VANGL2: variants seen among roughly 807,000 people sequenced by gnomAD.
VANGL2 encodes the protein vang-like protein 2.
VANGL2 carries 14 observed loss-of-function variants against 50.2 expected under a neutral mutation model. That is an observed-to-expected ratio of 0.28 (90% CI 0.18 to 0.44). The LOEUF (loss-of-function observed/expected upper bound fraction) is 0.44, where lower values mean the gene tolerates loss of function less well. VANGL2 is among the 20% of genes least tolerant of loss of function. The probability of loss-of-function intolerance (pLI) is 1.00; values close to 1 mark genes in which losing one functional copy is unlikely to be tolerated. For missense variants in VANGL2, 533 were observed against 701.5 expected, an observed-to-expected ratio of 0.76 and a Z score of 2.71; for synonymous variants, 295 against 297.2, an observed-to-expected ratio of 0.99 and a Z score of 0.08.
At position 160,424,292 on chromosome 1, in the gene VANGL2, G is replaced by A; in HGVS notation, c.1305+9G>A. The A allele has an allele frequency of 6.2e-7, 1 of 1,613,150 alleles. No homozygotes were observed. The highest frequency in any genetic ancestry group is 8.5e-7 in the Non-Finnish European group (1 of 1,179,332). On this transcript the variant is annotated intron_variant, in intron 7 of 7. Transcript: ENST00000368061. ...ATGACATGACGCCCAAGGTAGGCCT[G>A]CCCTGCTGCCAGCATCCTTCCTCCT...
Position 160,421,022 on chromosome 1 carries a change from G to T in VANGL2, c.938-30G>T. The T allele has an allele frequency of 2.5e-6, 4 of 1,613,802 alleles. No homozygotes were observed. In the South Asian group the frequency reaches 4.4e-5, roughly 18 times the overall value. The stretch of plus-strand genomic sequence containing the variant: ...GGGAAGAGAGGCCACACTCTGATGT[G>T]ACCATCTCCTCTATCCTGTTCCTGT... On this transcript the variant is annotated intron_variant, in intron 5 of 7. Transcript: ENST00000368061.
At chr1:160,422,621 C>T (rs748817097) in intron 6 of VANGL2, among the ~76,000 whole-genome samples, 5 of 152,200 alleles carry the variant, frequency 3.3e-5, no homozygotes, top group Non-Finnish European at 7.3e-5. Flanking sequence ...CAGGCTGGTC[C>T]TGCTCTTAGG....
At chr1:160,413,845 C>T (rs1266726171) in intron 1 of VANGL2, among the ~76,000 whole-genome samples, 1 of 152,192 alleles carries the variant, frequency 6.6e-6, no homozygotes, top group Non-Finnish European at 1.5e-5. Flanking sequence ...TCAGACTGTC[C>T]TCCAAGTCTG....
At position 160,419,212 on chromosome 1, in the gene VANGL2, C is replaced by G. The variant is rs757382979; in HGVS notation, c.403C>G (p.Arg135Gly). Residue 135 changes from arginine (R) to glycine (G), a missense_variant, in exon 4 of 8, where the codon CGG becomes GGG. Physicochemically the swap from Arg to Gly is moderately radical, Grantham distance 125 (BLOSUM62 -2). Transcript: ENST00000368061. This position sits in a 1 kb window ranked among gnomAD's most constrained non-coding sequence, Gnocchi z 5.8. ...AFLLLPPLLW[R>G]EELEPCGTAC... is the part of the protein sequence containing the mutation. ...CCTGCTGCTGCCCCCACTGCTGTGG[C>G]GGGAGGAGCTGGAGCCTTGCGGGAC... The G allele has an allele frequency of 3.7e-6, 6 of 1,611,936 alleles. No homozygotes were observed. The highest frequency in any genetic ancestry group is 8.5e-7 in the Non-Finnish European group (1 of 1,179,912).
At chr1:160,417,369 T>C (rs1651098093) in intron 3 of VANGL2, among the ~76,000 whole-genome samples, 1 of 152,206 alleles carries the variant, frequency 6.6e-6, no homozygotes, top group Non-Finnish European at 1.5e-5. Context: ...TGAAGGCAGC[T>C]GGTGGTCTTG....
At position 160,425,705 on chromosome 1, in the gene VANGL2, AG is replaced by A. The variant is rs1651430239; in HGVS notation, c.*330del. On this transcript the variant is annotated 3_prime_UTR_variant, in exon 8 of 8. Coordinates refer to ENST00000368061, the MANE Select transcript of VANGL2 (RefSeq NM_020335.3). ...TTCCCAGATTACAGTCTCTCCTGAA[AG>A]GGCACAGGGCCCTGCTGATTGTACT... The A allele has an allele frequency of 3.8e-6, 1 of 264,440 alleles. No homozygotes were observed. The allele number at this position is 264,440 out of a possible 1,614,324, so 16.4% of individuals were successfully genotyped here.
At chr1:160,422,992 G>A (rs4359033) in intron 6 of VANGL2, among the ~76,000 whole-genome samples, 43,246 of 150,854 alleles carry the variant, frequency 0.29, 6,480 homozygotes, top group Middle Eastern at 0.34. Context: ...TGCAACCTCC[G>A]CCTCCTGGGT....
intron 1 of VANGL2, among the ~76,000 whole-genome samples, chr1:160,412,018 A>G (rs1650898279): frequency 6.6e-6 from 1 of 152,212 alleles, no homozygotes; most frequent in Admixed American, 6.5e-5. Flanking sequence ...TGCTTAACTA[A>G]TTACTAGCTG....
At chr1:160,414,153 G>T (rs966447314) in intron 1 of VANGL2, among the ~76,000 whole-genome samples, 1 of 152,176 alleles carries the variant, frequency 6.6e-6, no homozygotes, top group African/African-American at 2.4e-5. Context: ...TGATCTCCCT[G>T]TTTCTATTTT....
In VANGL2 at chr1:160,418,998, G is replaced by A; in HGVS notation, c.193-4G>A. On this transcript the variant is annotated splice_polypyrimidine_tract_variant and splice_region_variant and intron_variant, in intron 3 of 7. Transcript: ENST00000368061. ...TTGTGTGGCTGGCCCCCTTCTGCCTGTAGGATGACAACTGGGGGGAAACGA... is the reference window on the plus strand; with the variant it reads ...TTGTGTGGCTGGCCCCCTTCTGCCTATAGGATGACAACTGGGGGGAAACGA... The A allele has an allele frequency of 6.2e-7, 1 of 1,603,308 alleles. No homozygotes were observed. Among genetic ancestry groups the A allele is most frequent in the Non-Finnish European group, 8.5e-7 (1 of 1,172,544 alleles).
chr1:160,409,324 C>G (rs570932540), intron 1 of VANGL2, among the ~76,000 whole-genome samples: 1 of 152,336 alleles, frequency 6.6e-6, no homozygotes, highest in Admixed American at 6.5e-5. Context: ...GTCACCTTCT[C>G]TCTCTGGGTC....
intron 7 of VANGL2, 83 bp downstream of exon 7, chr1:160,424,366 T>G: frequency 8.2e-7 from 1 of 1,222,404 alleles, no homozygotes; most frequent in South Asian, 1.4e-5. Flanking sequence ...ATTCTCTCAC[T>G]ACTTTCCTCA....
intron 1 of VANGL2, among the ~76,000 whole-genome samples, chr1:160,401,285 T>G (rs1650452317): frequency 6.6e-6 from 1 of 150,942 alleles, no homozygotes; most frequent in South Asian, 2.1e-4. Context: ...AAGGGTGTTT[T>G]GGGGTGCATA....
intron 6 of VANGL2, 114 bp from the exon 7 acceptor site, chr1:160,423,938 G>T: frequency 8.6e-7 from 1 of 1,162,404 alleles, no homozygotes; most frequent in Non-Finnish European, 1.3e-6. Context: ...ATTACTTTGG[G>T]TGAGCACAAA....
At chr1:160,415,569 T>C in intron 1 of VANGL2, 79 bp from the exon 2 acceptor site, 1 of 514,714 alleles carries the variant, frequency 1.9e-6, no homozygotes, top group Non-Finnish European at 3.5e-6. Context: ...CCTGTGGCTG[T>C]TGTGTGCAGA....
intron 1 of VANGL2, among the ~76,000 whole-genome samples, chr1:160,401,514 GA>G (rs1650462444): frequency 6.6e-6 from 1 of 152,068 alleles, no homozygotes; most frequent in Non-Finnish European, 1.5e-5. Flanking sequence ...CTGCGTTAGT[GA>G]GTTTTGAAGG....
Position 160,425,547 on chromosome 1 carries a change from C to A in VANGL2, c.*169C>A. On this transcript the variant is annotated 3_prime_UTR_variant, in exon 8 of 8. Transcript: ENST00000368061. Reference sequence around the variant, plus strand: ...CTCTCCTCGCTTCTTCCTTATTTTACCCCATGTGAACCTGGAGAGACCATC... The same window carrying A: ...CTCTCCTCGCTTCTTCCTTATTTTAACCCATGTGAACCTGGAGAGACCATC... 1 of 707,998 alleles carries A rather than the reference C, an allele frequency of 1.4e-6. No homozygotes were observed. Among genetic ancestry groups the A allele is most frequent in the South Asian group, 2.0e-5 (1 of 50,560 alleles). 43.9% of individuals were successfully genotyped at this position (707,998 alleles called of 1,614,324 possible).
chr1:160,405,035 T>C (rs983382090), intron 1 of VANGL2, among the ~76,000 whole-genome samples: 3 of 152,162 alleles, frequency 2.0e-5, no homozygotes, highest in Non-Finnish European at 4.4e-5. Flanking sequence ...TAGGGTATTA[T>C]TGCCTCTTCT....
intron 1 of VANGL2, among the ~76,000 whole-genome samples, chr1:160,403,145 A>G (rs1448741220): frequency 9.5e-6 from 1 of 105,000 alleles, no homozygotes; most frequent in Non-Finnish European, 2.0e-5. Context: ...CCTTTAAAAG[A>G]CCTTTTTTTT....
Sources: gnomAD v4.1 joint callset for allele counts (sites outside exome capture counted in the v4.1 genomes callset) on GRCh38, gnomAD v4.1.1 for gene constraint, Gnocchi (gnomAD v3.1) non-coding constraint, MANE v1.5 for transcripts, NCBI Gene and HGNC (gene_info 2026-07-23, HGNC 2026-07-21) for gene names.